MTUS2: variants seen among roughly 807,000 people sequenced by gnomAD.
The protein encoded by MTUS2 is microtubule associated scaffold protein 2.
Under a neutral mutation model 114.1 loss-of-function variants are expected in MTUS2, and 40 were observed. The observed-to-expected ratio is 0.35, with a 90% CI of 0.27 to 0.46. The LOEUF (loss-of-function observed/expected upper bound fraction) is 0.46, where lower values mean the gene tolerates loss of function less well. MTUS2 is among the 20% of genes least tolerant of loss of function. The pLI is 1.00. For synonymous variants in MTUS2, 688 were observed against 672.0 expected (o/e 1.02, Z -0.37); for missense variants, 1,679 against 1,705.4 (o/e 0.98, Z 0.27).
At chr13:29,315,396 A>G (rs543311906) in intron 6 of MTUS2, among the ~76,000 whole-genome samples, 1 of 152,336 alleles carries the variant, frequency 6.6e-6, no homozygotes, top group African/African-American at 2.4e-5. Context: ...ATCACCGCAT[A>G]TTGTTTACAT....
At chr13:29,193,739 A>G (rs1414375850) in intron 5 of MTUS2, among the ~76,000 whole-genome samples, 2 of 152,132 alleles carry the variant, frequency 1.3e-5, no homozygotes, top group Non-Finnish European at 1.5e-5. Flanking sequence ...ATTGGAAAAA[A>G]CTACTTTAAA....
At chr13:29,248,992 GTTCT>G (rs953787825) in intron 5 of MTUS2, among the ~76,000 whole-genome samples, 13 of 151,898 alleles carry the variant, frequency 8.6e-5, no homozygotes, top group Admixed American at 3.3e-4. Flanking sequence ...TTGTTCGTTT[GTTCT>G]TTCTTTCTTT....
chr13:28,842,832 C>T (rs1875603527), intron 2 of MTUS2, among the ~76,000 whole-genome samples: 1 of 152,140 alleles, frequency 6.6e-6, no homozygotes, highest in Non-Finnish European at 1.5e-5. Flanking sequence ...TGTGCAGATG[C>T]TAGTAGCAGC....
intron 8 of MTUS2, among the ~76,000 whole-genome samples, chr13:29,412,419 C>A (rs147327208): frequency 1.5e-3 from 231 of 152,138 alleles, no homozygotes; most frequent in African/African-American, 5.2e-3. Context: ...GGCTTAAGTC[C>A]CAATTGGTCA....
chr13:29,253,790 A>C lies in MTUS2; in HGVS notation c.2645-27914A>C, dbSNP rs187279644. On this transcript the variant is annotated intron_variant, in intron 5 of 15. Transcript: ENST00000612955. Reference sequence around the variant, plus strand: ...GGCGTCACAATCATGATGGAAGGCGAGGAAGAGCAAGTCACATCTTACGTG... The same window carrying C: ...GGCGTCACAATCATGATGGAAGGCGCGGAAGAGCAAGTCACATCTTACGTG... Among the ~76,000 whole-genome samples, 143 of 152,308 alleles carry C rather than the reference A, an allele frequency of 9.4e-4. 2 individuals are homozygous for C. Among genetic ancestry groups the C allele is most frequent in the East Asian group, 5.8e-4 (3 of 5,166 alleles).
At chr13:29,296,694 A>T (rs1482473817) in intron 6 of MTUS2, among the ~76,000 whole-genome samples, 1 of 152,074 alleles carries the variant, frequency 6.6e-6, no homozygotes. Flanking sequence ...TTCCCTGATG[A>T]TTACTGATGT....
At position 29,215,737 on chromosome 13, in the gene MTUS2, C is replaced by T. The variant is rs185595729; in HGVS notation, c.2645-65967C>T. ...GAACAGCAAAGATTGCTGCCTGTTC[C>T]TTCCTCTGGAAGCTTCATCCCAGAG... is the stretch of plus-strand genomic sequence containing the variant. On this transcript the variant is annotated intron_variant, in intron 5 of 15. Coordinates refer to ENST00000612955, the MANE Select transcript of MTUS2 (RefSeq NM_001033602.4). 3.1e-3 allele frequency among the ~76,000 whole-genome samples: 473 copies of T among 152,270 alleles called. 4 individuals carry two copies. In the Middle Eastern group the frequency reaches 0.034, roughly 11 times the overall value.
At chr13:28,933,010 A>G (rs1024443439) in intron 2 of MTUS2, among the ~76,000 whole-genome samples, 2 of 152,140 alleles carry the variant, frequency 1.3e-5, no homozygotes, top group African/African-American at 4.8e-5. Context: ...GAAAAAAGGT[A>G]AGGTTCTCAC....
intron 5 of MTUS2, among the ~76,000 whole-genome samples, chr13:29,243,383 C>A (rs1896799633): frequency 6.6e-6 from 1 of 152,170 alleles, no homozygotes; most frequent in Non-Finnish European, 1.5e-5. Context: ...GCAAGGAAAG[C>A]AGCAAATGCA....
chr13:29,389,481 G>C (rs61364289), intron 8 of MTUS2, among the ~76,000 whole-genome samples: 16,141 of 60,350 alleles, frequency 0.27, 5,009 homozygotes, highest in Non-Finnish European at 0.42. Context: ...ATGTATACAC[G>C]TGTGTGTATG....
At chr13:29,340,305 AAGATAG>A (rs1355980859) in intron 7 of MTUS2, among the ~76,000 whole-genome samples, 1 of 152,228 alleles carries the variant, frequency 6.6e-6, no homozygotes, top group Non-Finnish European at 1.5e-5. Context: ...TTAAAGGTAG[AAGATAG>A]AATTTCTGCC....
chr13:29,447,096 A>G (rs1878338967), intron 9 of MTUS2, among the ~76,000 whole-genome samples: 2 of 151,542 alleles, frequency 1.3e-5, no homozygotes, highest in South Asian at 2.1e-4. Flanking sequence ...TCAACTAGTA[A>G]GTATAATGCA....
chr13:28,990,219 T>G (rs1412881852), intron 2 of MTUS2, among the ~76,000 whole-genome samples: 2 of 152,110 alleles, frequency 1.3e-5, no homozygotes, highest in East Asian at 3.9e-4. Flanking sequence ...GGAGCTGTGT[T>G]TGTGGAGTGA....
chr13:29,408,928 T>A (rs1875001809), intron 8 of MTUS2, among the ~76,000 whole-genome samples: 1 of 152,180 alleles, frequency 6.6e-6, no homozygotes, highest in African/African-American at 2.4e-5. Flanking sequence ...AGTGAGAAAC[T>A]CTTCTTTCTC....
chr13:29,048,223 C>A (rs1227186890), intron 4 of MTUS2, among the ~76,000 whole-genome samples: 1 of 152,084 alleles, frequency 6.6e-6, no homozygotes, highest in South Asian at 2.1e-4. Flanking sequence ...TTATTTAGGT[C>A]CTTTTTATGT....
Position 28,887,981 on chromosome 13 carries a change from G to C in MTUS2, c.-243+48131G>C, listed in dbSNP as rs571150138. 2.0e-4 allele frequency among the ~76,000 whole-genome samples: 30 copies of C among 152,148 alleles called. No homozygotes were observed. The South Asian group carries it at 6.2e-3, about 32-fold the overall frequency. On this transcript the variant is annotated intron_variant, in intron 2 of 15. Transcript: ENST00000612955. Reference sequence around the variant, plus strand: ...TACTTTCCTTCAAGCTTTTCTCCTTGTCTCAGACACCTTTTCTACCTGCTG... The same window carrying C: ...TACTTTCCTTCAAGCTTTTCTCCTTCTCTCAGACACCTTTTCTACCTGCTG...
Position 29,042,309 on chromosome 13 carries a change from A to G in MTUS2, c.2446+8184A>G, listed in dbSNP as rs566763765. ...GTTAAACCACCCCTGCATCCCTACT[A>G]TGAAACGCACTTGATCATGGAGGAT... On this transcript the variant is annotated intron_variant, in intron 4 of 15. Coordinates refer to ENST00000612955, the MANE Select transcript of MTUS2 (RefSeq NM_001033602.4). Among the ~76,000 whole-genome samples, 99 of 152,256 alleles carry G rather than the reference A, an allele frequency of 6.5e-4. 1 individual carries two copies. Among genetic ancestry groups the G allele is most frequent in the Middle Eastern group, 6.8e-3 (2 of 294 alleles).
At position 29,100,814 on chromosome 13, in the gene MTUS2, A is replaced by T; in HGVS notation, c.2488A>T (p.Asn830Tyr). The T allele has an allele frequency of 6.4e-7, 1 of 1,551,678 alleles. No individual in the cohort carries two copies. Among genetic ancestry groups the T allele is most frequent in the Non-Finnish European group, 8.7e-7 (1 of 1,147,008 alleles). The change falls in exon 5 of 16, where the codon AAT becomes TAT. Residue 830 changes from asparagine to tyrosine, a missense_variant. This residue lies in a region of MTUS2 where 822 missense variants were observed against 899.7 expected (regional missense o/e 0.91). Transcript: ENST00000612955. Reference protein sequence around the residue: ...KASSSNAAKSNLPKSGLRPPG... With the variant: ...KASSSNAAKSYLPKSGLRPPG... Reference sequence around the variant, plus strand: ...TTCCAGTTCAAATGCTGCAAAATCCAATCTCCCGAAATCTGGTCTCCGTCC... The same window carrying T: ...TTCCAGTTCAAATGCTGCAAAATCCTATCTCCCGAAATCTGGTCTCCGTCC...
intron 8 of MTUS2, among the ~76,000 whole-genome samples, chr13:29,373,361 G>A (rs370692713): frequency 1.3e-5 from 2 of 152,176 alleles, no homozygotes; most frequent in East Asian, 1.9e-4. Context: ...GAGTGCAGTT[G>A]TGAAAAGTGC....
Sources: gnomAD v4.1 joint callset for allele counts (sites outside exome capture counted in the v4.1 genomes callset) on GRCh38, gnomAD v4.1.1 for gene constraint, gnomAD v4.1.1 regional missense constraint, MANE v1.5 for transcripts, NCBI Gene and HGNC (gene_info 2026-07-23, HGNC 2026-07-21) for gene names.